ZNF577: variants seen among roughly 807,000 people sequenced by gnomAD.
ZNF577 encodes the protein zinc finger protein 577.
Under a neutral mutation model 13.9 loss-of-function variants are expected in ZNF577, and 14 were observed. The ratio of observed to expected loss-of-function variants is 1.00; its 90% CI spans 0.66 to 1.57. The LOEUF (loss-of-function observed/expected upper bound fraction) is 1.57. Among genes scored for constraint, ZNF577 ranks in the 40% most tolerant of loss-of-function variants. The pLI, the probability that ZNF577 is intolerant of heterozygous loss-of-function variation, is 0.00. For missense variants in ZNF577, 555 were observed against 579.2 expected (o/e 0.96, Z 0.43); for synonymous variants, 203 against 202.9 (o/e 1.00, Z 0.00).
At chr19:51,843,517 C>T (rs12459661) in intron 6 of ZNF577, among the ~76,000 whole-genome samples, 10,808 of 152,220 alleles carry the variant, frequency 0.071, 600 homozygotes, top group South Asian at 0.23. Flanking sequence ...CACTTGTTTA[C>T]TCTTTCATTC....
intron 10 of ZNF577, among the ~76,000 whole-genome samples, chr19:51,805,567 A>G (rs553455314): frequency 5.1e-4 from 77 of 152,380 alleles, no homozygotes; most frequent in African/African-American, 1.8e-3. Flanking sequence ...TTAAAATGAC[A>G]GCGCAATTGC....
chr19:51,865,113 T>C (rs2084546457), downstream of ZNF577, among the ~76,000 whole-genome samples: 1 of 152,220 alleles, frequency 6.6e-6, no homozygotes, highest in South Asian at 2.1e-4. Flanking sequence ...TTTTTTTTCT[T>C]GAGACGGAGT....
intron 9 of ZNF577, among the ~76,000 whole-genome samples, chr19:51,837,079 A>T (rs1159750678): frequency 1.3e-5 from 2 of 151,622 alleles, no homozygotes; most frequent in Non-Finnish European, 2.9e-5. Context: ...AGAAAAAATT[A>T]TCTGAAAAGG....
At chr19:51,842,861 T>C (rs1351610969) in exon 8 of ZNF577, 1 of 152,232 alleles carries the variant, frequency 6.6e-6, no homozygotes, top group African/African-American at 2.4e-5. Context: ...CTACTATTCC[T>C]TGTTCTTCTT....
Position 51,824,302 on chromosome 19 carries a change from A to T in ZNF577, c.*600-12628T>A. The T allele has an allele frequency of 6.2e-7, 1 of 1,614,174 alleles. No homozygotes were observed. On this transcript the variant is annotated intron_variant and NMD_transcript_variant, in intron 9 of 10. Coordinates refer to the ZNF577 transcript ENST00000638827. This position sits in a 1 kb window ranked among gnomAD's most constrained non-coding sequence, Gnocchi z 4.7. Reference sequence around the variant, plus strand: ...ATTTTCAACTTTGCATTCTGGGGTGACACTGCTGTAGAGAGGTTGAACGTG... The same window carrying T: ...ATTTTCAACTTTGCATTCTGGGGTGTCACTGCTGTAGAGAGGTTGAACGTG...
chr19:51,872,376 C>T lies in ZNF577; in HGVS notation c.*156G>A, dbSNP rs2084672488. ...TCATAACAGCTGCATTTCTACCCAA[C>T]ATGATTTCAATGGTGTTTAACAGGT... is the stretch of plus-strand genomic sequence containing the variant. On this transcript the variant is annotated 3_prime_UTR_variant, in exon 6 of 6. Coordinates refer to ENST00000638348, the MANE Select transcript of ZNF577 (RefSeq NM_001370449.1). The T allele has an allele frequency of 3.3e-6, 2 of 599,720 alleles. No individual in the cohort carries two copies. The highest frequency in any genetic ancestry group is 4.9e-5 in the South Asian group (2 of 41,122). 37.1% of individuals were successfully genotyped at this position (599,720 alleles called of 1,614,324 possible).
intron 9 of ZNF577, among the ~76,000 whole-genome samples, chr19:51,834,681 G>GTGCACACGAT (rs1162191498): frequency 7.2e-6 from 1 of 138,746 alleles, no homozygotes; most frequent in Non-Finnish European, 1.6e-5. Context: ...TAAAGACAGT[G>GTGCACACGAT]TGCACACGAT....
At chr19:51,844,055 T>G (rs1160594990) in intron 6 of ZNF577, among the ~76,000 whole-genome samples, 1 of 150,650 alleles carries the variant, frequency 6.6e-6, no homozygotes, top group Non-Finnish European at 1.5e-5. Flanking sequence ...CTACACTTTT[T>G]TTTTTTTTTT....
intron 5 of ZNF577, among the ~76,000 whole-genome samples, chr19:51,846,003 T>C (rs951453123): frequency 2.0e-5 from 3 of 152,104 alleles, no homozygotes; most frequent in Admixed American, 1.3e-4. Context: ...GATTGCTGCA[T>C]TATATGGTGG....
At chr19:51,805,953 GAGATATT>G (rs2084056121) in intron 10 of ZNF577, among the ~76,000 whole-genome samples, 1 of 152,136 alleles carries the variant, frequency 6.6e-6, no homozygotes. Flanking sequence ...CATCAAAGTC[GAGATATT>G]ATGTGTTCGC....
intron 5 of ZNF577, among the ~76,000 whole-genome samples, chr19:51,857,090 A>G (rs1306313676): frequency 6.6e-6 from 1 of 152,048 alleles, no homozygotes; most frequent in African/African-American, 2.4e-5. Context: ...CATGAGGTCA[A>G]GAGATCGAGA....
intron 9 of ZNF577, among the ~76,000 whole-genome samples, chr19:51,821,841 G>C (rs763782): frequency 0.37 from 56,026 of 151,690 alleles, 10,857 homozygotes; most frequent in South Asian, 0.52. Flanking sequence ...AAGGGGTAAT[G>C]ATGGCTGCCC....
intron 9 of ZNF577, among the ~76,000 whole-genome samples, chr19:51,836,149 T>C: frequency 6.6e-6 from 1 of 152,202 alleles, no homozygotes; most frequent in East Asian, 1.9e-4. Context: ...ATAAAAACCT[T>C]TGTTTCTAAT....
At chr19:51,840,040 A>G (rs1478784233) in exon 9 of ZNF577, 1 of 152,242 alleles carries the variant, frequency 6.6e-6, no homozygotes, top group African/African-American at 2.4e-5. Flanking sequence ...CCAGGCGTGC[A>G]CATGGAAGCA....
intron 9 of ZNF577, among the ~76,000 whole-genome samples, chr19:51,828,248 A>C (rs2084241791): frequency 1.3e-5 from 2 of 152,020 alleles, no homozygotes; most frequent in South Asian, 4.2e-4. Context: ...TGCACCTATA[A>C]TCCCAGCTAC....
At chr19:51,816,241 C>T (rs2084136129) in intron 9 of ZNF577, among the ~76,000 whole-genome samples, 1 of 152,126 alleles carries the variant, frequency 6.6e-6, no homozygotes, top group Non-Finnish European at 1.5e-5. Flanking sequence ...TGTTTTTGAG[C>T]TGTATTCTTT....
At chr19:51,804,699 C>T (rs1273711608), downstream of ZNF577, 1 of 152,120 alleles carries the variant, frequency 6.6e-6, no homozygotes, top group Non-Finnish European at 1.5e-5. Context: ...GAGGATCTAT[C>T]GAGCACCCGA....
intron 9 of ZNF577, among the ~76,000 whole-genome samples, chr19:51,829,326 G>A (rs1430842011): frequency 6.6e-6 from 1 of 152,112 alleles, no homozygotes; most frequent in Non-Finnish European, 1.5e-5. Flanking sequence ...AAGGCCTGGA[G>A]TCAACACGTC....
intron 10 of ZNF577, among the ~76,000 whole-genome samples, chr19:51,807,927 A>G (rs2084071025): frequency 6.6e-6 from 1 of 152,212 alleles, no homozygotes; most frequent in Non-Finnish European, 1.5e-5. Flanking sequence ...CAAGGTTTTG[A>G]CTGTTTGATT....
Sources: allele counts gnomAD v4.1 joint callset (sites outside exome capture counted in the v4.1 genomes callset), GRCh38; gene constraint gnomAD v4.1.1; non-coding constraint Gnocchi (gnomAD v3.1); transcripts MANE v1.5; gene names NCBI Gene and HGNC (gene_info 2026-07-23, HGNC 2026-07-21).